Variants in RFX3 observed in about 807,000 individuals in gnomAD.
The protein encoded by RFX3 is regulatory factor X3, also known as transcription factor RFX3.
RFX3 carries 14 observed loss-of-function variants against 98.6 expected under a neutral mutation model. The ratio of observed to expected loss-of-function variants is 0.14; its 90% CI spans 0.09 to 0.22. RFX3 has a LOEUF of 0.22. Ranked by LOEUF, RFX3 falls within the 10% of genes least tolerant of loss-of-function variation. RFX3 has a pLI of 1.00. For missense variants in RFX3, 639 were observed against 926.9 expected (o/e 0.69, Z 4.03); for synonymous variants, 383 against 328.4 (o/e 1.17, Z -1.80).
intron 15 of RFX3, among the ~76,000 whole-genome samples, chr9:3,243,620 A>T (rs1037957147): frequency 2.0e-5 from 3 of 152,222 alleles, no homozygotes; most frequent in African/African-American, 7.2e-5. Flanking sequence ...TAATGTAAGT[A>T]ATGTTAATTT....
At chr9:3,397,092 AACAAAG>A (rs1840972095) in intron 1 of RFX3, among the ~76,000 whole-genome samples, 1 of 152,226 alleles carries the variant, frequency 6.6e-6, no homozygotes, top group South Asian at 2.1e-4. Flanking sequence ...GAGATTTGTA[AACAAAG>A]ACATGTACTT....
At chr9:3,446,563 C>G (rs890383152) in intron 1 of RFX3, among the ~76,000 whole-genome samples, 1 of 151,820 alleles carries the variant, frequency 6.6e-6, no homozygotes, top group African/African-American at 2.4e-5. Flanking sequence ...CAAGATGTAA[C>G]CTTGTTTAGT....
chr9:3,328,259 T>A (rs1832155771), intron 4 of RFX3, among the ~76,000 whole-genome samples: 1 of 152,208 alleles, frequency 6.6e-6, no homozygotes, highest in Admixed American at 6.5e-5. Flanking sequence ...AGGAGTGCTA[T>A]ATACTACTGC....
rs893105200 is a variant in RFX3, at chr9:3,524,835, A to G, written c.-9+912T>C. ...TCCGGTTTAAATCACAAGCACACACACACACACACACACACACACACACAC... is the reference window on the plus strand; with the variant it reads ...TCCGGTTTAAATCACAAGCACACACGCACACACACACACACACACACACAC... On this transcript the variant is annotated intron_variant, in intron 1 of 16. Transcript: ENST00000617270. 4.4e-4 allele frequency among the ~76,000 whole-genome samples: 26 copies of G among 58,742 alleles called. No homozygotes were observed. In the South Asian group the frequency reaches 4.8e-3, roughly 11 times the overall value. The allele number at this position is 58,742 out of a possible 152,430, so 38.5% of individuals were successfully genotyped here.
At chr9:3,413,674 A>T (rs1842652664) in intron 1 of RFX3, among the ~76,000 whole-genome samples, 1 of 152,092 alleles carries the variant, frequency 6.6e-6, no homozygotes, top group Admixed American at 6.6e-5. Flanking sequence ...TGAATGTGAA[A>T]TTCACCCTAA....
chr9:3,321,768 T>C (rs899170118), intron 4 of RFX3, among the ~76,000 whole-genome samples: 1 of 152,276 alleles, frequency 6.6e-6, no homozygotes, highest in Admixed American at 6.5e-5. Context: ...ACTCTAATGA[T>C]AAAACACACT....
At chr9:3,351,684 T>C (rs1835149717) in intron 2 of RFX3, among the ~76,000 whole-genome samples, 1 of 152,078 alleles carries the variant, frequency 6.6e-6, no homozygotes, top group African/African-American at 2.4e-5. Flanking sequence ...AAATTATAGA[T>C]GAACGATAAA....
chr9:3,475,831 C>G (rs189603868), intron 1 of RFX3, among the ~76,000 whole-genome samples: 11 of 152,274 alleles, frequency 7.2e-5, no homozygotes, highest in African/African-American at 2.2e-4. Flanking sequence ...AGTAGAGTGT[C>G]TTCTCTAAAC....
chr9:3,377,217 G>A (rs145249195), intron 2 of RFX3, among the ~76,000 whole-genome samples: 6,451 of 152,240 alleles, frequency 0.042, 483 homozygotes, highest in African/African-American at 0.15. Flanking sequence ...GTGATAGACT[G>A]GATTAAGAAA....
chr9:3,334,810 T>C (rs529210934), intron 3 of RFX3, among the ~76,000 whole-genome samples: 18 of 152,240 alleles, frequency 1.2e-4, no homozygotes, highest in African/African-American at 3.4e-4. Context: ...GGTTGAGTAA[T>C]ACAGGCTGAT....
At chr9:3,401,850 T>G (rs1841502670) in intron 1 of RFX3, among the ~76,000 whole-genome samples, 1 of 152,180 alleles carries the variant, frequency 6.6e-6, no homozygotes, top group Non-Finnish European at 1.5e-5. Context: ...GGCCACATTT[T>G]GAAAGAAGGC....
chr9:3,321,597 A>G (rs139866746), intron 4 of RFX3, among the ~76,000 whole-genome samples: 15 of 152,180 alleles, frequency 9.9e-5, no homozygotes, highest in African/African-American at 3.4e-4. Flanking sequence ...AAATTTAAAA[A>G]ATTAGTCCTT....
intron 4 of RFX3, among the ~76,000 whole-genome samples, chr9:3,312,729 G>A (rs1474347565): frequency 6.6e-6 from 1 of 152,188 alleles, no homozygotes; most frequent in Non-Finnish European, 1.5e-5. Flanking sequence ...CTCATGCCTG[G>A]CTCAGGGGGT....
Position 3,271,037 on chromosome 9 carries a change from T to C in RFX3, c.1168A>G (p.Thr390Ala). 6.2e-7 allele frequency: 1 copy of C among 1,613,638 alleles called. No homozygotes were observed. The highest frequency in any genetic ancestry group is 8.5e-7 in the Non-Finnish European group (1 of 1,179,678). The change falls in exon 10 of 17, where the codon ACT (threonine) becomes GCT (alanine). Residue 390 changes from threonine to alanine, a missense_variant. Thr to Ala is a moderately conservative substitution (Grantham distance 58, BLOSUM62 0). Transcript: ENST00000617270. ...WQTFWRYSPS[T>A]PTDGTTITES... ...GTAATGGTAGTGCCATCAGTTGGAG[T>C]AGAGGGAGAATAGCGCCAGAATGTT... is the stretch of plus-strand genomic sequence containing the variant.
At chr9:3,471,840 T>C (rs1848806646) in intron 1 of RFX3, among the ~76,000 whole-genome samples, 1 of 152,246 alleles carries the variant, frequency 6.6e-6, no homozygotes, top group African/African-American at 2.4e-5. Flanking sequence ...TGTCTTCACT[T>C]CTTCAGAATC....
At chr9:3,328,896 G>A (rs1832248935) in intron 4 of RFX3, among the ~76,000 whole-genome samples, 2 of 152,008 alleles carry the variant, frequency 1.3e-5, no homozygotes, top group African/African-American at 4.8e-5. Flanking sequence ...ATGATAAAAT[G>A]GGATACATCT....
At chr9:3,445,721 C>A (rs1030967671) in intron 1 of RFX3, among the ~76,000 whole-genome samples, 2 of 152,094 alleles carry the variant, frequency 1.3e-5, no homozygotes, top group East Asian at 3.8e-4. Flanking sequence ...AACTTGTCAA[C>A]GCGATCGATA....
chr9:3,417,170 T>G (rs973861620), intron 1 of RFX3, among the ~76,000 whole-genome samples: 16 of 152,064 alleles, frequency 1.1e-4, no homozygotes, highest in African/African-American at 3.9e-4. Flanking sequence ...TAAATGTTTA[T>G]GTACCTATTG....
At chr9:3,231,344 G>C (rs1458064094) in intron 15 of RFX3, among the ~76,000 whole-genome samples, 1 of 152,122 alleles carries the variant, frequency 6.6e-6, no homozygotes, top group African/African-American at 2.4e-5. Flanking sequence ...TAAAGTTACA[G>C]AGGAAAAAAC....
Sources: gnomAD v4.1 joint callset for allele counts (sites outside exome capture counted in the v4.1 genomes callset) on GRCh38, gnomAD v4.1.1 for gene constraint, MANE v1.5 for transcripts, NCBI Gene and HGNC (gene_info 2026-07-23, HGNC 2026-07-21) for gene names.